The following ANKS1B variants were observed in gnomAD, a reference collection of about 807,000 sequenced individuals.
The protein encoded by ANKS1B is ankyrin repeat and sterile alpha motif domain-containing protein 1B.
In ANKS1B, 36 loss-of-function variants were observed where a neutral mutation model predicts 148.3. That is an observed-to-expected ratio of 0.24 (90% CI 0.19 to 0.32). ANKS1B has a LOEUF of 0.32. ANKS1B is among the 10% of genes least tolerant of loss of function. The pLI is 1.00. For synonymous variants in ANKS1B, 542 were observed against 560.8 expected (o/e 0.97, Z 0.47); for missense variants, 1,157 against 1,542.6 (o/e 0.75, Z 4.19).
intron 17 of ANKS1B, among the ~76,000 whole-genome samples, chr12:98,872,488 G>A (rs1372898013): frequency 6.6e-6 from 1 of 152,154 alleles, no homozygotes; most frequent in Non-Finnish European, 1.5e-5. Flanking sequence ...GCAGTGAGCT[G>A]AGATTGTGCC....
intron 8 of ANKS1B, among the ~76,000 whole-genome samples, chr12:99,703,414 T>C (rs1258704956): frequency 1.3e-5 from 2 of 152,192 alleles, no homozygotes; most frequent in African/African-American, 4.8e-5. Flanking sequence ...CTGGCATCCA[T>C]TGCTCTTCTC....
intron 12 of ANKS1B, among the ~76,000 whole-genome samples, chr12:99,334,647 A>C (rs1181282180): frequency 6.6e-6 from 1 of 152,072 alleles, no homozygotes; most frequent in Non-Finnish European, 1.5e-5. Context: ...TCCTCCCTAG[A>C]GAGTGATTTT....
At chr12:99,351,394 T>A (rs2091407501) in intron 12 of ANKS1B, among the ~76,000 whole-genome samples, 1 of 152,172 alleles carries the variant, frequency 6.6e-6, no homozygotes, top group East Asian at 1.9e-4. Flanking sequence ...ATTTTGGTGG[T>A]AATCCTGGAG....
At position 98,965,225 on chromosome 12, in the gene ANKS1B, G is replaced by C. The variant is rs78609222; in HGVS notation, c.2778+87932C>G. 8.2e-3 allele frequency among the ~76,000 whole-genome samples: 1,244 copies of C among 152,276 alleles called. 14 individuals are homozygous for C. The highest frequency in any genetic ancestry group is 0.028 in the African/African-American group (1,166 of 41,568). On this transcript the variant is annotated intron_variant, in intron 17 of 26. Coordinates refer to ENST00000683438, the MANE Select transcript of ANKS1B (RefSeq NM_001352186.2). ...ACAGAATCGTGATCCTGGCTTCATG[G>C]ACTTCCATTCTCATGATTGCCTAGG...
intron 12 of ANKS1B, among the ~76,000 whole-genome samples, chr12:99,349,686 T>C (rs2091174741): frequency 6.6e-6 from 1 of 151,860 alleles, no homozygotes; most frequent in South Asian, 2.1e-4. Flanking sequence ...ATAAAGCAAA[T>C]TTGACAGAAA....
At chr12:99,911,729 G>A (rs1055602601) in intron 1 of ANKS1B, among the ~76,000 whole-genome samples, 12 of 151,928 alleles carry the variant, frequency 7.9e-5, no homozygotes, top group Admixed American at 3.9e-4. Context: ...TTTAAAAATC[G>A]TCAACTCATG....
At chr12:99,424,419 T>TTATTATTTCATGTATAATTG (rs1474940093) in intron 11 of ANKS1B, among the ~76,000 whole-genome samples, 1 of 151,962 alleles carries the variant, frequency 6.6e-6, no homozygotes, top group Non-Finnish European at 1.5e-5. Context: ...AAGAATTAAC[T>TTATTATTTCATGTATAATTG]CCAGAAATAA....
intron 12 of ANKS1B, among the ~76,000 whole-genome samples, chr12:99,258,997 C>G (rs1171063893): frequency 6.6e-6 from 1 of 152,166 alleles, no homozygotes; most frequent in East Asian, 1.9e-4. Context: ...TCACAAAAGT[C>G]TCTGAAGTAG....
At chr12:99,249,995 T>C (rs181559795) in intron 12 of ANKS1B, among the ~76,000 whole-genome samples, 195 of 152,304 alleles carry the variant, frequency 1.3e-3, no homozygotes, top group African/African-American at 4.4e-3. Context: ...CATTGAAAGA[T>C]AGACGCTCTA....
At chr12:99,179,120 G>A (rs1414160796) in intron 14 of ANKS1B, among the ~76,000 whole-genome samples, 2 of 152,046 alleles carry the variant, frequency 1.3e-5, no homozygotes, top group Admixed American at 1.3e-4. Context: ...TAGAAAATGG[G>A]CTTAGGAAGG....
chr12:99,281,541 G>C (rs2078456245), intron 12 of ANKS1B, among the ~76,000 whole-genome samples: 1 of 152,094 alleles, frequency 6.6e-6, no homozygotes, highest in African/African-American at 2.4e-5. Flanking sequence ...CTTCTTAAGA[G>C]ACAAAGAACA....
chr12:98,887,804 G>A (rs538717450), intron 17 of ANKS1B, among the ~76,000 whole-genome samples: 1 of 152,230 alleles, frequency 6.6e-6, no homozygotes, highest in East Asian at 1.9e-4. Context: ...GTAGAGACAG[G>A]ATTTGGCCGT....
At chr12:99,703,164 TA>T (rs2055149938) in intron 8 of ANKS1B, among the ~76,000 whole-genome samples, 1 of 152,242 alleles carries the variant, frequency 6.6e-6, no homozygotes, top group African/African-American at 2.4e-5. Context: ...ATTCCAGTTT[TA>T]AATTTCCTGA....
At chr12:99,675,944 G>A (rs146391774) in intron 8 of ANKS1B, among the ~76,000 whole-genome samples, 1 of 152,226 alleles carries the variant, frequency 6.6e-6, no homozygotes, top group African/African-American at 2.4e-5. Context: ...TTGTGATAGG[G>A]TTTGGCTTTG....
At chr12:99,820,192 G>T (rs2082338501) in intron 2 of ANKS1B, among the ~76,000 whole-genome samples, 1 of 151,860 alleles carries the variant, frequency 6.6e-6, no homozygotes, top group Non-Finnish European at 1.5e-5. Flanking sequence ...GAAATCACCA[G>T]TAGAGTACAT....
intron 1 of ANKS1B, among the ~76,000 whole-genome samples, chr12:99,976,785 G>A (rs11836840): frequency 0.021 from 3,144 of 152,302 alleles, 114 homozygotes; most frequent in African/African-American, 0.071. Context: ...ACTCTGGACA[G>A]TGCAGTAGAA....
At chr12:99,709,364 C>A (rs1407659609) in intron 8 of ANKS1B, among the ~76,000 whole-genome samples, 1 of 152,120 alleles carries the variant, frequency 6.6e-6, no homozygotes, top group Non-Finnish European at 1.5e-5. Flanking sequence ...GAAGCAGTTG[C>A]TCTGACACCT....
intron 17 of ANKS1B, among the ~76,000 whole-genome samples, chr12:99,025,442 C>T (rs560317242): frequency 6.6e-4 from 100 of 152,224 alleles, no homozygotes; most frequent in Non-Finnish European, 1.3e-3. Context: ...AAAAACGGAT[C>T]GTCATGAATG....
chr12:99,370,642 C>A (rs1483968669), intron 12 of ANKS1B, among the ~76,000 whole-genome samples: 1 of 152,194 alleles, frequency 6.6e-6, no homozygotes, highest in Non-Finnish European at 1.5e-5. Flanking sequence ...CCTGGCTTCA[C>A]TACACATACA....
Sources: allele counts gnomAD v4.1 joint callset (sites outside exome capture counted in the v4.1 genomes callset), GRCh38; gene constraint gnomAD v4.1.1; transcripts MANE v1.5; gene names NCBI Gene and HGNC (gene_info 2026-07-23, HGNC 2026-07-21).